IL1RAPL1: variants seen among roughly 807,000 people sequenced by gnomAD.
The protein encoded by IL1RAPL1 is interleukin-1 receptor accessory protein-like 1.
In IL1RAPL1, 3 loss-of-function variants were observed where a neutral mutation model predicts 48.4. That is an observed-to-expected ratio of 0.06 (90% CI 0.03 to 0.16). IL1RAPL1 has a LOEUF of 0.16. Ranked by LOEUF, IL1RAPL1 falls within the 10% of genes least tolerant of loss-of-function variation. IL1RAPL1 has a pLI of 1.00. For missense variants in IL1RAPL1, 349 were observed against 530.6 expected (o/e 0.66, Z 3.36); for synonymous variants, 185 against 187.7 (o/e 0.99, Z 0.12).
chrX:29,315,516 G>T (rs1932766493), intron 3 of IL1RAPL1, among the ~76,000 whole-genome samples: 1 of 111,406 alleles, frequency 9.0e-6, no homozygotes, highest in Non-Finnish European at 1.9e-5. Flanking sequence ...TTTTATTTTT[G>T]TGTGTGTTTT....
intron 2 of IL1RAPL1, among the ~76,000 whole-genome samples, chrX:29,065,098 C>T (rs1190931858): frequency 1.8e-5 from 2 of 109,966 alleles, no homozygotes; most frequent in African/African-American, 6.6e-5. Flanking sequence ...AAGTTATATA[C>T]ATGTTGTTTT....
intron 2 of IL1RAPL1, among the ~76,000 whole-genome samples, chrX:29,089,330 A>G (rs1928027512): frequency 9.0e-6 from 1 of 111,211 alleles, no homozygotes; most frequent in African/African-American, 3.3e-5. Context: ...AATGGTTACT[A>G]CCATCAAGCT....
At chrX:28,616,509 C>G (rs1934220323) in intron 1 of IL1RAPL1, among the ~76,000 whole-genome samples, 1 of 110,001 alleles carries the variant, frequency 9.1e-6, no homozygotes, top group African/African-American at 3.3e-5. Flanking sequence ...TCTCGGCTCA[C>G]TGCAACCTCC....
chrX:29,918,435 G>C (rs1176334426), intron 7 of IL1RAPL1, among the ~76,000 whole-genome samples: 1 of 98,982 alleles, frequency 1.0e-5, no homozygotes, highest in Admixed American at 1.1e-4. Flanking sequence ...AACCTGGGAG[G>C]TGGAGGTTGC....
rs147296825 is a variant in IL1RAPL1 at position 29,634,790 on chromosome X, C to T, written c.704-33640C>T. Among the ~76,000 whole-genome samples, 390 of 112,058 alleles carry T rather than the reference C, an allele frequency of 3.5e-3. 1 individual carries two copies. Among genetic ancestry groups the T allele is most frequent in the African/African-American group, 0.012 (371 of 30,831 alleles). On this transcript the variant is annotated intron_variant, in intron 5 of 10. Coordinates refer to ENST00000378993, the MANE Select transcript of IL1RAPL1 (RefSeq NM_014271.4). ...AATAGCAGTGGTCAGCCAAGAGTTA[C>T]AAGATATTTGAGGAAAGCTTGCATT...
intron 6 of IL1RAPL1, among the ~76,000 whole-genome samples, chrX:29,782,498 C>T (rs987805275): frequency 9.0e-6 from 1 of 110,861 alleles, no homozygotes; most frequent in Non-Finnish European, 1.9e-5. Context: ...ATAAATATGA[C>T]GTGTTCCCTA....
chrX:29,413,133 A>C (rs1189614796), intron 5 of IL1RAPL1, among the ~76,000 whole-genome samples: 2 of 110,611 alleles, frequency 1.8e-5, no homozygotes, highest in East Asian at 5.7e-4. Context: ...ATAGGTTTAG[A>C]AAAAGGGAGT....
chrX:28,649,939 T>C (rs1006951459), intron 1 of IL1RAPL1, among the ~76,000 whole-genome samples: 1 of 111,811 alleles, frequency 8.9e-6, no homozygotes, highest in Non-Finnish European at 1.9e-5. Flanking sequence ...CACGTGTCTC[T>C]GACATGGAGT....
chrX:28,637,308 TAAC>T (rs1010885899), intron 1 of IL1RAPL1, among the ~76,000 whole-genome samples: 9 of 111,416 alleles, frequency 8.1e-5, no homozygotes, highest in East Asian at 2.8e-4. Context: ...ACTTTAAACT[TAAC>T]AACAACAACA....
intron 2 of IL1RAPL1, among the ~76,000 whole-genome samples, chrX:29,112,781 A>C (rs1428896087): frequency 1.0e-5 from 1 of 99,496 alleles, no homozygotes; most frequent in Non-Finnish European, 2.0e-5. Context: ...TAGAGAAGGC[A>C]TGTCAACTTT....
At chrX:28,868,807 A>G (rs1922138968) in intron 2 of IL1RAPL1, among the ~76,000 whole-genome samples, 1 of 112,437 alleles carries the variant, frequency 8.9e-6, no homozygotes. Flanking sequence ...CTTCACCACA[A>G]TTGAGACATC....
At chrX:29,737,426 G>C (rs931726613) in intron 6 of IL1RAPL1, among the ~76,000 whole-genome samples, 1 of 111,835 alleles carries the variant, frequency 8.9e-6, no homozygotes, top group Non-Finnish European at 1.9e-5. Flanking sequence ...GTAGGTCATA[G>C]GACTTGCTAC....
intron 5 of IL1RAPL1, among the ~76,000 whole-genome samples, chrX:29,534,555 C>T (rs1921148757): frequency 9.0e-6 from 1 of 111,609 alleles, no homozygotes; most frequent in Non-Finnish European, 1.9e-5. Context: ...ATTGCTCCAG[C>T]CAGGTGTGGT....
At chrX:28,680,319 C>T (rs1406164946) in intron 1 of IL1RAPL1, among the ~76,000 whole-genome samples, 1 of 111,140 alleles carries the variant, frequency 9.0e-6, no homozygotes, top group Non-Finnish European at 1.9e-5. Context: ...TTGTATCTTG[C>T]AACTTTACTG....
At chrX:28,910,795 C>CT (rs1175384230) in intron 2 of IL1RAPL1, among the ~76,000 whole-genome samples, 1 of 107,939 alleles carries the variant, frequency 9.3e-6, no homozygotes, top group Non-Finnish European at 1.9e-5. Context: ...CACGTGAGGT[C>CT]TTTTTTTAAA....
chrX:29,715,907 G>T (rs1050048853), intron 6 of IL1RAPL1, among the ~76,000 whole-genome samples: 1 of 111,909 alleles, frequency 8.9e-6, no homozygotes, highest in Non-Finnish European at 1.9e-5. Flanking sequence ...CCCACCATTT[G>T]GTTCAAGGGT....
intron 2 of IL1RAPL1, among the ~76,000 whole-genome samples, chrX:29,149,952 G>A (rs6628411): frequency 6.3e-4 from 70 of 111,574 alleles, no homozygotes; most frequent in African/African-American, 2.0e-3. Flanking sequence ...TTAATTCCCG[G>A]TACTGTCACC....
At chrX:28,962,882 A>ATGTG (rs56826606) in intron 2 of IL1RAPL1, among the ~76,000 whole-genome samples, 2,502 of 95,983 alleles carry the variant, frequency 0.026, 53 homozygotes, top group African/African-American at 0.068. Context: ...GTCTGTGTGT[A>ATGTG]TGTGTGTGTG....
chrX:29,427,204 A>G (rs1934361298), intron 5 of IL1RAPL1, among the ~76,000 whole-genome samples: 2 of 111,605 alleles, frequency 1.8e-5, no homozygotes, highest in Non-Finnish European at 1.9e-5. Flanking sequence ...ATCTGAGTCA[A>G]GGTGTATGAA....
Sources: allele counts gnomAD v4.1 joint callset (sites outside exome capture counted in the v4.1 genomes callset), GRCh38; gene constraint gnomAD v4.1.1; transcripts MANE v1.5; gene names NCBI Gene and HGNC (gene_info 2026-07-23, HGNC 2026-07-21).